RYR2: variants seen among roughly 807,000 people sequenced by gnomAD.
RYR2 encodes ryanodine receptor 2, also known as cardiac muscle ryanodine receptor-calcium release channel.
In RYR2, 227 loss-of-function variants were observed where a neutral mutation model predicts 601.1. That is an observed-to-expected ratio of 0.38 (90% confidence interval 0.34 to 0.42). The LOEUF is 0.42. Ranked by LOEUF, RYR2 falls within the 10% of genes least tolerant of loss-of-function variation. The pLI, the probability that RYR2 is intolerant of heterozygous loss-of-function variation, is 1.00. For missense variants in RYR2, 4,646 were observed against 6,156.5 expected (o/e 0.75, Z 8.21); for synonymous variants, 2,223 against 2,175.1 (o/e 1.02, Z -0.61).
chr1:237,690,958 C>A (rs994382784), intron 63 of RYR2, among the ~76,000 whole-genome samples: 17 of 152,258 alleles, frequency 1.1e-4, no homozygotes, highest in Admixed American at 9.2e-4. Context: ...AACAGAGAGA[C>A]CCAGTAGCAT....
intron 23 of RYR2, among the ~76,000 whole-genome samples, chr1:237,508,949 A>G (rs1665587557): frequency 2.0e-5 from 3 of 151,344 alleles, no homozygotes; most frequent in Admixed American, 1.3e-4. Flanking sequence ...TCACCGTGTT[A>G]GCCAGGATGG....
At chr1:237,618,739 A>T (rs2148621443) in intron 38 of RYR2, among the ~76,000 whole-genome samples, 1 of 151,938 alleles carries the variant, frequency 6.6e-6, no homozygotes, top group South Asian at 2.1e-4. Flanking sequence ...CTGAGTGGGG[A>T]ACCTTGACTT....
intron 1 of RYR2, among the ~76,000 whole-genome samples, chr1:237,068,032 AT>A (rs36053229): frequency 0.039 from 4,822 of 122,772 alleles, 121 homozygotes; most frequent in African/African-American, 0.12. Context: ...CAGAACTTTG[AT>A]TTTTTTTTTT....
intron 2 of RYR2, among the ~76,000 whole-genome samples, chr1:237,310,567 T>A (rs1694449683): frequency 6.6e-6 from 1 of 152,166 alleles, no homozygotes; most frequent in Non-Finnish European, 1.5e-5. Flanking sequence ...CCCTACCTCT[T>A]TCCCCTCCAG....
intron 1 of RYR2, among the ~76,000 whole-genome samples, chr1:237,243,420 G>T (rs965680443): frequency 1.1e-4 from 16 of 152,122 alleles, no homozygotes; most frequent in African/African-American, 3.9e-4. Flanking sequence ...ACATTTACGG[G>T]CTTATTATAA....
chr1:237,148,192 A>G (rs1400422613), intron 1 of RYR2, among the ~76,000 whole-genome samples: 1 of 152,144 alleles, frequency 6.6e-6, no homozygotes. Flanking sequence ...TTAATAAAAC[A>G]GCTTTTAACC....
chr1:237,514,260 A>G (rs980922639), intron 24 of RYR2, among the ~76,000 whole-genome samples: 4 of 152,250 alleles, frequency 2.6e-5, no homozygotes, highest in African/African-American at 7.2e-5. Context: ...AGCCAGCTAT[A>G]GCAGAGAGTA....
chr1:237,129,461 G>A (rs145894745), intron 1 of RYR2, among the ~76,000 whole-genome samples: 230 of 152,236 alleles, frequency 1.5e-3, no homozygotes, highest in South Asian at 0.011. Flanking sequence ...ACATTCGGAT[G>A]CATTTTTCTG....
intron 63 of RYR2, 30 bp from the exon 64 acceptor site, chr1:237,698,935 A>G: frequency 1.5e-6 from 2 of 1,371,050 alleles, no homozygotes; most frequent in Non-Finnish European, 2.0e-6. Context: ...TTCTCAGGGC[A>G]ATTTATACAG....
chr1:237,285,658 C>T (rs1691478744), intron 2 of RYR2, among the ~76,000 whole-genome samples: 1 of 152,034 alleles, frequency 6.6e-6, no homozygotes, highest in African/African-American at 2.4e-5. Context: ...TGGTCCTGGA[C>T]ATTTTTGTTG....
intron 38 of RYR2, among the ~76,000 whole-genome samples, chr1:237,623,054 G>A (rs1679235342): frequency 6.6e-6 from 1 of 152,164 alleles, no homozygotes; most frequent in African/African-American, 2.4e-5. Context: ...TTCAATGAAT[G>A]TTCAATAGAG....
At chr1:237,512,803 T>TGG (rs1371480923) in intron 24 of RYR2, among the ~76,000 whole-genome samples, 2 of 152,082 alleles carry the variant, frequency 1.3e-5, no homozygotes, top group African/African-American at 4.8e-5. Flanking sequence ...CCTGGGAGAT[T>TGG]GAGGCTCCAG....
intron 1 of RYR2, among the ~76,000 whole-genome samples, chr1:237,129,459 A>G (rs1443761505): frequency 1.3e-5 from 2 of 152,140 alleles, no homozygotes; most frequent in African/African-American, 4.8e-5. Context: ...TGACATTCGG[A>G]TGCATTTTTC....
chr1:237,652,132 T>G (rs892433162), intron 51 of RYR2, among the ~76,000 whole-genome samples: 13 of 152,164 alleles, frequency 8.5e-5, no homozygotes, highest in African/African-American at 3.1e-4. Flanking sequence ...ATTAGAAACC[T>G]CGAGAGATAA....
intron 100 of RYR2, 114 bp from the exon 101 acceptor site, chr1:237,818,922 C>CA: frequency 1.1e-6 from 1 of 915,420 alleles, no homozygotes; most frequent in Middle Eastern, 2.4e-4. Flanking sequence ...ATATAGAATG[C>CA]AAAAATTCTC....
intron 3 of RYR2, among the ~76,000 whole-genome samples, chr1:237,337,149 G>C (rs1697320952): frequency 6.6e-6 from 1 of 151,732 alleles, no homozygotes; most frequent in African/African-American, 2.4e-5. Context: ...CTACTTGGGA[G>C]GCTGAGGCAC....
intron 8 of RYR2, among the ~76,000 whole-genome samples, chr1:237,385,259 A>G (rs1449117833): frequency 1.3e-5 from 2 of 152,168 alleles, no homozygotes; most frequent in East Asian, 3.8e-4. Context: ...TAGCCCATAA[A>G]TATGTATATA....
At chr1:237,595,705 T>TC (rs776849810) in intron 34 of RYR2, 48 bp downstream of exon 34, 1 of 1,549,746 alleles carries the variant, frequency 6.5e-7, no homozygotes, top group East Asian at 2.4e-5. Flanking sequence ...AAGACTTCTT[T>TC]CCCCCATTAA....
rs184672629 is a variant in RYR2, at chr1:237,634,200, G to C, written c.6688+490G>C. Among the ~76,000 whole-genome samples the C allele has an allele frequency of 4.3e-3, 659 of 152,198 alleles. 9 individuals carry two copies. Among genetic ancestry groups the C allele is most frequent in the African/African-American group, 0.014 (562 of 41,522 alleles). On this transcript the variant is annotated intron_variant, in intron 43 of 104. Coordinates refer to ENST00000366574, the MANE Select transcript of RYR2 (RefSeq NM_001035.3). ...GCATTATTCACAATAGCTGAGATAT[G>C]GAATCAACCTAAGTGTTCATCAGTG...
Sources: gnomAD v4.1 joint callset for allele counts (sites outside exome capture counted in the v4.1 genomes callset) on GRCh38, gnomAD v4.1.1 for gene constraint, MANE v1.5 for transcripts, NCBI Gene and HGNC (gene_info 2026-07-23, HGNC 2026-07-21) for gene names.